Variants in LMCD1 observed in about 807,000 individuals in gnomAD.
LMCD1 encodes LIM and cysteine-rich domains protein 1.
Under a neutral mutation model 42.7 loss-of-function variants are expected in LMCD1, and 32 were observed. The observed-to-expected ratio is 0.75, with a 90% CI of 0.57 to 1.01. The LOEUF is 1.01. Among genes scored for constraint, LMCD1 ranks in the 50% least tolerant of loss-of-function variants. The probability of loss-of-function intolerance (pLI) is 0.00; values close to 1 mark genes in which losing one functional copy is unlikely to be tolerated. For synonymous variants in LMCD1, 178 were observed against 184.9 expected (o/e 0.96, Z 0.30); for missense variants, 458 against 483.1 (o/e 0.95, Z 0.49).
At chr3:8,536,567 G>A (rs1694511158) in intron 2 of LMCD1, among the ~76,000 whole-genome samples, 2 of 152,148 alleles carry the variant, frequency 1.3e-5, no homozygotes, top group East Asian at 1.9e-4. Context: ...GCATTCTAAC[G>A]GCAGTATTTA....
In LMCD1 at chr3:8,567,067, G is replaced by C. The variant is rs1012915415; in HGVS notation, c.940-373G>C. ...TCATTCCAAGCCCAAGTGACCCTCT[G>C]TATTCTTGCTCTTGATGATTGGCCA... is the stretch of plus-strand genomic sequence containing the variant. On this transcript the variant is annotated intron_variant, in intron 5 of 5. Transcript: ENST00000157600. Among the ~76,000 whole-genome samples the C allele has an allele frequency of 9.9e-5, 15 of 152,144 alleles. 1 individual carries two copies. Among genetic ancestry groups the C allele is most frequent in the Non-Finnish European group, 1.5e-5 (1 of 68,026 alleles).
intron 1 of LMCD1, among the ~76,000 whole-genome samples, chr3:8,511,603 G>A (rs1694002104): frequency 6.6e-6 from 1 of 152,208 alleles, no homozygotes; most frequent in East Asian, 1.9e-4. Flanking sequence ...GGATGAATGA[G>A]CTGTTAGGAT....
intron 3 of LMCD1, among the ~76,000 whole-genome samples, chr3:8,538,995 A>G (rs1190935343): frequency 6.6e-6 from 1 of 152,238 alleles, no homozygotes; most frequent in Admixed American, 6.5e-5. Flanking sequence ...ATATGTTGGG[A>G]AAATGTTACA....
chr3:8,543,065 G>T (rs1025237271), intron 3 of LMCD1, among the ~76,000 whole-genome samples: 1 of 152,182 alleles, frequency 6.6e-6, no homozygotes, highest in African/African-American at 2.4e-5. Context: ...AGTCAGGCCT[G>T]ATCCCCACTC....
chr3:8,522,430 T>C (rs968001935), intron 1 of LMCD1, among the ~76,000 whole-genome samples: 1 of 152,148 alleles, frequency 6.6e-6, no homozygotes, highest in Admixed American at 6.5e-5. Flanking sequence ...TTTCCAGAAC[T>C]GCCCCAGGGG....
At chr3:8,551,031 A>T (rs929334300) in intron 4 of LMCD1, 4 of 985,334 alleles carry the variant, frequency 4.1e-6, no homozygotes, top group South Asian at 4.7e-5. Context: ...CTAGACAGTA[A>T]ATGGAAAAGG....
rs1414608408 is a variant in LMCD1 at position 8,543,440 on chromosome 3, T to TAGATAGAC, written c.388-5125_388-5124insTAGACAGA. On this transcript the variant is annotated intron_variant, in intron 3 of 5. Coordinates refer to ENST00000157600, the MANE Select transcript of LMCD1 (RefSeq NM_014583.4). ...ATAGATAGATAGATAGATAGATAGA[T>TAGATAGAC]AGACAGACAGACAGAGAGATAGACA... Among the ~76,000 whole-genome samples the TAGATAGAC allele has an allele frequency of 7.7e-3, 1,036 of 134,154 alleles. 7 individuals carry two copies. Among genetic ancestry groups the TAGATAGAC allele is most frequent in the East Asian group, 0.024 (112 of 4,762 alleles). 88.0% of individuals were successfully genotyped at this position (134,154 alleles called of 152,430 possible).
intron 1 of LMCD1, among the ~76,000 whole-genome samples, chr3:8,517,515 G>A (rs1000024491): frequency 9.9e-5 from 15 of 152,182 alleles, no homozygotes; most frequent in Admixed American, 6.5e-4. Flanking sequence ...AGAAGTTTGG[G>A]TCGTGGACTT....
chr3:8,542,254 G>A (rs955447010), intron 3 of LMCD1, among the ~76,000 whole-genome samples: 4 of 151,780 alleles, frequency 2.6e-5, no homozygotes, highest in African/African-American at 9.7e-5. Flanking sequence ...TGCCCGCCTT[G>A]GCCTCCCAAA....
intron 1 of LMCD1, 69 bp from the exon 2 acceptor site, chr3:8,532,668 T>C (rs1694434368): frequency 7.3e-7 from 1 of 1,372,470 alleles, no homozygotes; most frequent in Admixed American, 1.7e-5. Context: ...GCCAAGTCTT[T>C]TAGAGGTCAA....
At chr3:8,534,181 C>A (rs1166211960) in intron 2 of LMCD1, among the ~76,000 whole-genome samples, 1 of 151,738 alleles carries the variant, frequency 6.6e-6, no homozygotes, top group Non-Finnish European at 1.5e-5. Flanking sequence ...ATTTCTTGAG[C>A]CAGGGGAAAA....
chr3:8,511,792 C>G (rs1317030009), intron 1 of LMCD1, among the ~76,000 whole-genome samples: 1 of 152,202 alleles, frequency 6.6e-6, no homozygotes. Context: ...TCCTCTTCCT[C>G]TCAAGCAAAA....
rs1574979598 is a variant in LMCD1 at position 8,568,221 on chromosome 3, T to G, written c.*623T>G. 1 of 152,218 alleles carries G rather than the reference T, an allele frequency of 6.6e-6. No homozygotes were observed. The highest frequency in any genetic ancestry group is 6.5e-5 in the Admixed American group (1 of 15,280). 9.4% of individuals were successfully genotyped at this position (152,218 alleles called of 1,614,324 possible). A position where few individuals can be genotyped will look rare whatever the true frequency, so the allele number is the denominator to read the frequency against. On this transcript the variant is annotated 3_prime_UTR_variant, in exon 6 of 6. Coordinates refer to ENST00000157600, the MANE Select transcript of LMCD1 (RefSeq NM_014583.4). ...ATACTAATGAGCCTCTCTATCAATG[T>G]ATCTCATCAGACTTCCACTGGGAGT...
At position 8,571,282 on chromosome 3, in the gene LMCD1, T is replaced by TC. The variant is rs1695213529; in HGVS notation, c.*3688dup. On this transcript the variant is annotated 3_prime_UTR_variant, in exon 6 of 6. Transcript: ENST00000157600. ...AAAGAATAATCGTATTATCTTTATT[T>TC]CCCCAACTCTTAGTACAAATCCTGG... The TC allele has an allele frequency of 1.3e-5, 2 of 152,222 alleles. No individual in the cohort carries two copies. Among genetic ancestry groups the TC allele is most frequent in the Admixed American group, 1.3e-4 (2 of 15,284 alleles). 9.4% of individuals were successfully genotyped at this position (152,222 alleles called of 1,614,324 possible). A position where few individuals can be genotyped will look rare whatever the true frequency, so the allele number is the denominator to read the frequency against.
intron 1 of LMCD1, among the ~76,000 whole-genome samples, chr3:8,514,167 T>C (rs1027416986): frequency 1.3e-5 from 2 of 152,172 alleles, no homozygotes; most frequent in African/African-American, 2.4e-5. Context: ...AAATAACTTC[T>C]ACAAATCAAT....
At position 8,537,386 on chromosome 3, in the gene LMCD1, C is replaced by T. The variant is rs1334248676; in HGVS notation, c.333C>T (p.Pro111=). The T allele has an allele frequency of 3.7e-6, 6 of 1,610,262 alleles. No homozygotes were observed. Among genetic ancestry groups the T allele is most frequent in the Non-Finnish European group, 5.1e-6 (6 of 1,176,802 alleles). ...MTNPIATGKD[P]TFDTITYEWA... is the part of the protein sequence containing the mutation. ...ACCCTATTGCTACTGGGAAAGATCC[C>T]ACTTTTGACACCATCACCTACGAGT... Residue 111 remains proline (P), a synonymous_variant, in exon 3 of 6, where the codon CCC becomes CCT. Coordinates refer to ENST00000157600, the MANE Select transcript of LMCD1 (RefSeq NM_014583.4).
chr3:8,546,726 G>A (rs1022253284), intron 3 of LMCD1, among the ~76,000 whole-genome samples: 1 of 152,202 alleles, frequency 6.6e-6, no homozygotes. Flanking sequence ...AGAAGAGAGA[G>A]GGCTTTTCCT....
chr3:8,554,365 G>A (rs1043060748), intron 4 of LMCD1, among the ~76,000 whole-genome samples: 1 of 152,148 alleles, frequency 6.6e-6, no homozygotes. Context: ...GTGGGGCCTC[G>A]GCAGGGTGGG....
intron 2 of LMCD1, 23 bp downstream of exon 2, chr3:8,532,848 T>C: frequency 6.3e-7 from 1 of 1,594,512 alleles, no homozygotes; most frequent in Non-Finnish European, 8.6e-7. Context: ...GTCAGGAGGG[T>C]CCCTGTCTGC....
Sources: gnomAD v4.1 joint callset for allele counts (sites outside exome capture counted in the v4.1 genomes callset) on GRCh38, gnomAD v4.1.1 for gene constraint, MANE v1.5 for transcripts, NCBI Gene and HGNC (gene_info 2026-07-23, HGNC 2026-07-21) for gene names.